The following ATRNL1 variants were observed in gnomAD, a reference collection of about 807,000 sequenced individuals.
ATRNL1 encodes the protein attractin like 1.
In ATRNL1, 95 loss-of-function variants were observed where a neutral mutation model predicts 182.7. The ratio of observed to expected loss-of-function variants is 0.52; its 90% CI spans 0.44 to 0.62. The LOEUF is 0.62. ATRNL1 is among the 20% of genes least tolerant of loss of function. ATRNL1 has a pLI of 0.00. For synonymous variants in ATRNL1, 576 were observed against 568.3 expected, an observed-to-expected ratio of 1.01 and a Z score of -0.19; for missense variants, 1,471 against 1,679.5, an observed-to-expected ratio of 0.88 and a Z score of 2.17.
At chr10:115,604,426 C>T (rs1856769831) in intron 26 of ATRNL1, among the ~76,000 whole-genome samples, 1 of 152,172 alleles carries the variant, frequency 6.6e-6, no homozygotes, top group South Asian at 2.1e-4. Flanking sequence ...CTGGTTGGAG[C>T]TCAACTGTCT....
At chr10:115,132,685 T>C (rs1564761024) in intron 5 of ATRNL1, among the ~76,000 whole-genome samples, 2 of 152,184 alleles carry the variant, frequency 1.3e-5, no homozygotes, top group Non-Finnish European at 2.9e-5. Context: ...TGGCCAGTGA[T>C]GATGAGCATT....
At chr10:115,475,592 C>G (rs1848492760) in intron 24 of ATRNL1, among the ~76,000 whole-genome samples, 1 of 151,420 alleles carries the variant, frequency 6.6e-6, no homozygotes, top group Admixed American at 6.6e-5. Flanking sequence ...ATTCATTCCT[C>G]TGAGCTTCAA....
At chr10:115,621,078 G>A (rs1047457699) in intron 26 of ATRNL1, among the ~76,000 whole-genome samples, 18 of 151,172 alleles carry the variant, frequency 1.2e-4, no homozygotes, top group Non-Finnish European at 1.6e-4. Context: ...ATTTAAATTT[G>A]TAACTACAAA....
At chr10:115,788,712 G>C (rs1052719844) in intron 27 of ATRNL1, among the ~76,000 whole-genome samples, 4 of 152,190 alleles carry the variant, frequency 2.6e-5, no homozygotes, top group African/African-American at 9.7e-5. Context: ...TCCCTGGAAA[G>C]TGACAGGAAA....
Position 115,094,091 on chromosome 10 carries a change from GTCGCGGCCTTCCCCGCCCCCC to G in ATRNL1, c.293+58_293+78del, listed in dbSNP as rs1282059373. On this transcript the variant is annotated intron_variant, in intron 1 of 28. Transcript: ENST00000355044. ...GAACCTCCAGCCCTGCCTCGCTCCC[GTCGCGGCCTTCCCCGCCCCCC>G]TCGCGGCCTCCCCCGCCCCCGTCGC... The G allele has an allele frequency of 2.9e-5, 39 of 1,322,722 alleles. No individual in the cohort carries two copies. The East Asian group carries it at 6.1e-4, about 21-fold the overall frequency. The allele number at this position is 1,322,722 out of a possible 1,614,324, so 81.9% of individuals were successfully genotyped here.
At chr10:115,727,218 T>C (rs782764312) in intron 26 of ATRNL1, 30 bp from the exon 27 acceptor site, 1 of 1,509,446 alleles carries the variant, frequency 6.6e-7, no homozygotes, top group South Asian at 1.1e-5. Flanking sequence ...TAAACCTATT[T>C]TAAGATAAAT....
intron 23 of ATRNL1, among the ~76,000 whole-genome samples, 158 bp downstream of exon 23, chr10:115,467,410 T>C (rs1451564742): frequency 2.7e-5 from 4 of 150,806 alleles, no homozygotes; most frequent in Non-Finnish European, 6.0e-5. Context: ...GAAAAATGAA[T>C]AGAGCTTCAT....
chr10:115,126,732 A>G (rs1364613852), intron 3 of ATRNL1, among the ~76,000 whole-genome samples: 6 of 152,210 alleles, frequency 3.9e-5, no homozygotes, highest in Non-Finnish European at 5.9e-5. Flanking sequence ...CCTAAACATA[A>G]TTTTAACTGT....
At chr10:115,762,204 TA>T (rs1404274977) in intron 27 of ATRNL1, among the ~76,000 whole-genome samples, 1 of 152,104 alleles carries the variant, frequency 6.6e-6, no homozygotes, top group Non-Finnish European at 1.5e-5. Flanking sequence ...TTCAAAACAC[TA>T]AGTTTCCTTC....
At chr10:115,231,673 T>C (rs1490783281) in intron 9 of ATRNL1, among the ~76,000 whole-genome samples, 3 of 152,100 alleles carry the variant, frequency 2.0e-5, no homozygotes, top group Non-Finnish European at 1.5e-5. Context: ...AGTGAACAAA[T>C]AGAGTGGTAA....
chr10:115,386,552 C>G (rs1263451705), intron 19 of ATRNL1, among the ~76,000 whole-genome samples: 1 of 152,148 alleles, frequency 6.6e-6, no homozygotes, highest in African/African-American at 2.4e-5. Flanking sequence ...GACTGATTAA[C>G]AAAGGCTTGA....
At chr10:115,180,764 A>G (rs1211351760) in intron 8 of ATRNL1, among the ~76,000 whole-genome samples, 4 of 151,960 alleles carry the variant, frequency 2.6e-5, no homozygotes, top group African/African-American at 9.6e-5. Flanking sequence ...TGTCAAGGCT[A>G]TCAAAAATAA....
chr10:115,558,545 T>G (rs1853464737), intron 26 of ATRNL1, among the ~76,000 whole-genome samples: 1 of 152,178 alleles, frequency 6.6e-6, no homozygotes, highest in Non-Finnish European at 1.5e-5. Context: ...CTTTTGATCC[T>G]TTGTTACTCA....
intron 27 of ATRNL1, among the ~76,000 whole-genome samples, chr10:115,840,414 C>G (rs1555096723): frequency 6.6e-6 from 1 of 152,096 alleles, no homozygotes; most frequent in South Asian, 2.1e-4. Flanking sequence ...GAAAACTGGA[C>G]AGAATGGTGT....
chr10:115,800,104 C>T (rs1949757812), intron 27 of ATRNL1, among the ~76,000 whole-genome samples: 1 of 151,896 alleles, frequency 6.6e-6, no homozygotes, highest in South Asian at 2.1e-4. Context: ...CCTGTAATCC[C>T]ATCTACTCAG....
At position 115,171,786 on chromosome 10, in the gene ATRNL1, A is replaced by C. The variant is rs140602765; in HGVS notation, c.1348+494A>C. On this transcript the variant is annotated intron_variant, in intron 8 of 28. Coordinates refer to ENST00000355044, the MANE Select transcript of ATRNL1 (RefSeq NM_207303.4). ...GATTATTATCTGTTATGTGAAGGTG[A>C]AGGTGTCTAGGGCAATCTACATGTG... 4.1e-3 allele frequency among the ~76,000 whole-genome samples: 622 copies of C among 152,126 alleles called. 2 individuals carry two copies. The highest frequency in any genetic ancestry group is 0.013 in the African/African-American group (541 of 41,544).
chr10:115,915,909 A>C (rs527399034), intron 28 of ATRNL1, among the ~76,000 whole-genome samples: 1 of 152,332 alleles, frequency 6.6e-6, no homozygotes, highest in Admixed American at 6.5e-5. Flanking sequence ...GCTTTAAGAG[A>C]TCTGCACTCC....
chr10:115,552,315 A>T lies in ATRNL1; in HGVS notation c.3795+2779A>T, dbSNP rs139524021. On this transcript the variant is annotated intron_variant, in intron 26 of 28. Transcript: ENST00000355044. Reference sequence around the variant, plus strand: ...ATTAGATTAACTGTAATATTTCCCAAAGGAAAAGAACCCACTATTATTTCT... The same window carrying T: ...ATTAGATTAACTGTAATATTTCCCATAGGAAAAGAACCCACTATTATTTCT... Among the ~76,000 whole-genome samples the T allele has an allele frequency of 9.1e-4, 138 of 151,448 alleles. 3 individuals are homozygous for T. The East Asian group carries it at 0.023, about 25-fold the overall frequency.
intron 27 of ATRNL1, among the ~76,000 whole-genome samples, chr10:115,752,956 G>T (rs564692733): frequency 2.0e-5 from 3 of 151,974 alleles, no homozygotes; most frequent in Non-Finnish European, 4.4e-5. Context: ...CGTGAGTTTG[G>T]TCAAGGGCTA....
Sources: allele counts gnomAD v4.1 joint callset (sites outside exome capture counted in the v4.1 genomes callset), GRCh38; gene constraint gnomAD v4.1.1; transcripts MANE v1.5; gene names NCBI Gene and HGNC (gene_info 2026-07-23, HGNC 2026-07-21).